The following EPHA6 variants were observed in gnomAD, a reference collection of about 807,000 sequenced individuals.
EPHA6 encodes the protein ephrin type-A receptor 6.
Under a neutral mutation model 112.0 loss-of-function variants are expected in EPHA6, and 50 were observed. The observed-to-expected ratio is 0.45, with a 90% CI of 0.36 to 0.56. EPHA6 has a LOEUF of 0.56. Ranked by LOEUF, EPHA6 falls within the 20% of genes least tolerant of loss-of-function variation. EPHA6 has a pLI of 0.00. For synonymous variants in EPHA6, 529 were observed against 490.7 expected (o/e 1.08, Z -1.03); for missense variants, 1,280 against 1,417.4 (o/e 0.90, Z 1.56).
At chr3:97,715,599 C>T (rs1047340860) in intron 14 of EPHA6, among the ~76,000 whole-genome samples, 5 of 152,156 alleles carry the variant, frequency 3.3e-5, no homozygotes, top group African/African-American at 9.7e-5. Context: ...GTTCTTGCTT[C>T]TCTACAGAAT....
rs1446168183 is a variant in EPHA6 at position 97,623,325 on chromosome 3, A to C, written c.2574+12471A>C. 3.3e-5 allele frequency among the ~76,000 whole-genome samples: 5 copies of C among 151,768 alleles called. No homozygotes were observed. In the East Asian group the frequency reaches 9.7e-4, roughly 29 times the overall value. On this transcript the variant is annotated intron_variant, in intron 13 of 17. Transcript: ENST00000389672. ...GAACTTCATCATTTTGCATGTTGAT[A>C]TTCAGCTTTCCTAGCATCATTTATT...
chr3:97,195,607 T>C (rs2108487774), intron 3 of EPHA6, among the ~76,000 whole-genome samples: 1 of 152,136 alleles, frequency 6.6e-6, no homozygotes, highest in Admixed American at 6.5e-5. Context: ...CAGATGATTG[T>C]TGCTTGTTAA....
intron 3 of EPHA6, among the ~76,000 whole-genome samples, chr3:97,184,274 C>T (rs1264050432): frequency 6.6e-6 from 1 of 152,122 alleles, no homozygotes; most frequent in Non-Finnish European, 1.5e-5. Flanking sequence ...TTCCAATCAA[C>T]AGTTTTCATG....
At chr3:97,735,489 G>A (rs758961115) in intron 15 of EPHA6, among the ~76,000 whole-genome samples, 5 of 151,960 alleles carry the variant, frequency 3.3e-5, no homozygotes, top group Non-Finnish European at 7.4e-5. Flanking sequence ...TATCATAAAA[G>A]GATAAAAAAT....
chr3:96,825,864 A>G (rs2033625692), intron 1 of EPHA6, among the ~76,000 whole-genome samples: 1 of 151,780 alleles, frequency 6.6e-6, no homozygotes, highest in Admixed American at 6.6e-5. Context: ...CATATATGTG[A>G]TATAGCCTTT....
chr3:96,939,518 G>A (rs1410659681), intron 2 of EPHA6, among the ~76,000 whole-genome samples: 1 of 151,980 alleles, frequency 6.6e-6, no homozygotes, highest in Non-Finnish European at 1.5e-5. Flanking sequence ...AGTCTTGCTA[G>A]CAGTCTATCA....
chr3:97,699,809 T>C (rs1322510275), intron 14 of EPHA6, among the ~76,000 whole-genome samples: 1 of 152,246 alleles, frequency 6.6e-6, no homozygotes, highest in East Asian at 1.9e-4. Context: ...CCATTTTCTA[T>C]AACACATGTT....
At position 97,758,956 on chromosome 3, in the gene EPHA6, T is replaced by C. The variant is rs984031291; in HGVS notation, c.*10255T>C. ...GTAATTCCAGCAAAAACGTGGTGGA[T>C]TCACTACTTCAAGATTTGGAAGGCA... On this transcript the variant is annotated 3_prime_UTR_variant, in exon 18 of 18. Coordinates refer to ENST00000389672, the MANE Select transcript of EPHA6 (RefSeq NM_001080448.3). Among the ~76,000 whole-genome samples the C allele has an allele frequency of 6.6e-6, 1 of 151,920 alleles. No homozygotes were observed. Among genetic ancestry groups the C allele is most frequent in the African/African-American group, 2.4e-5 (1 of 41,414 alleles).
At chr3:97,717,258 G>T (rs1197916310) in intron 14 of EPHA6, among the ~76,000 whole-genome samples, 2 of 148,020 alleles carry the variant, frequency 1.4e-5, no homozygotes, top group Non-Finnish European at 3.0e-5. Context: ...AAAGACAACA[G>T]TTGAAATAAA....
intron 6 of EPHA6, among the ~76,000 whole-genome samples, chr3:97,433,356 T>C (rs2089631899): frequency 1.3e-5 from 2 of 152,180 alleles, no homozygotes; most frequent in Admixed American, 1.3e-4. Context: ...TAACAAAATA[T>C]AATCTTTTTA....
At chr3:97,732,214 T>C (rs1350516449) in intron 15 of EPHA6, among the ~76,000 whole-genome samples, 2 of 151,676 alleles carry the variant, frequency 1.3e-5, no homozygotes, top group Non-Finnish European at 2.9e-5. Flanking sequence ...CTTTGAAGAC[T>C]ATTCTAGCCA....
chr3:97,257,829 A>G (rs2079367952), intron 5 of EPHA6, among the ~76,000 whole-genome samples: 1 of 152,078 alleles, frequency 6.6e-6, no homozygotes, highest in Admixed American at 6.6e-5. Flanking sequence ...AAGTCTAGTG[A>G]ATGAGAATAA....
intron 3 of EPHA6, among the ~76,000 whole-genome samples, chr3:97,151,326 T>C (rs373896164): frequency 1.3e-5 from 2 of 152,282 alleles, no homozygotes; most frequent in East Asian, 3.9e-4. Context: ...ATTGTAATCA[T>C]TGAATGCATT....
chr3:97,153,294 T>A (rs1280916277), intron 3 of EPHA6, among the ~76,000 whole-genome samples: 1 of 152,094 alleles, frequency 6.6e-6, no homozygotes, highest in Non-Finnish European at 1.5e-5. Context: ...AATAACTGAT[T>A]AGAAATGTAA....
chr3:97,122,672 A>G (rs1396899429), intron 3 of EPHA6, among the ~76,000 whole-genome samples: 7 of 152,104 alleles, frequency 4.6e-5, no homozygotes, highest in South Asian at 2.1e-4. Flanking sequence ...AAAAGATTGT[A>G]TCATCCAGAT....
chr3:97,621,161 G>A (rs904094199), intron 13 of EPHA6, among the ~76,000 whole-genome samples: 2 of 151,862 alleles, frequency 1.3e-5, no homozygotes, highest in African/African-American at 4.8e-5. Context: ...ACTAACACAG[G>A]AACAGAAACC....
chr3:97,576,504 A>G (rs868287837), intron 11 of EPHA6, among the ~76,000 whole-genome samples: 1 of 152,152 alleles, frequency 6.6e-6, no homozygotes, highest in African/African-American at 2.4e-5. Context: ...GTAAATCTTG[A>G]CAAGCTTGTA....
At chr3:97,694,292 A>AGTTG (rs2032872030) in intron 14 of EPHA6, among the ~76,000 whole-genome samples, 2 of 151,050 alleles carry the variant, frequency 1.3e-5, no homozygotes, top group African/African-American at 2.4e-5. Flanking sequence ...GCTGGAATGC[A>AGTTG]ATGGCGTGAT....
chr3:97,521,688 G>C (rs2092545580), intron 10 of EPHA6, among the ~76,000 whole-genome samples: 2 of 152,028 alleles, frequency 1.3e-5, no homozygotes, highest in Non-Finnish European at 2.9e-5. Flanking sequence ...GATTTGGATG[G>C]GGACATAGCA....
Sources: allele counts gnomAD v4.1 joint callset (sites outside exome capture counted in the v4.1 genomes callset), GRCh38; gene constraint gnomAD v4.1.1; transcripts MANE v1.5; gene names NCBI Gene and HGNC (gene_info 2026-07-23, HGNC 2026-07-21).